The following PLXNA2 variants were observed in gnomAD, a reference collection of about 807,000 sequenced individuals.
PLXNA2 encodes plexin-A2.
PLXNA2 carries 91 observed loss-of-function variants against 193.5 expected under a neutral mutation model. The observed-to-expected ratio is 0.47, with a 90% CI of 0.40 to 0.56. The LOEUF is 0.56. Among genes scored for constraint, PLXNA2 ranks in the 20% least tolerant of loss-of-function variants. The pLI is 0.00. For missense variants in PLXNA2, 1,995 were observed against 2,503.2 expected (o/e 0.80, Z 4.33); for synonymous variants, 997 against 1,027.3 (o/e 0.97, Z 0.56).
rs1451510784 is a variant in PLXNA2, at chr1:208,044,088, T to A, written c.3874+420A>T. The stretch of plus-strand genomic sequence containing the variant: ...CAAACCCTGGGGGAGATGAGGCAGG[T>A]GCTTGTCTGCCTTTGCTGCCGCTGC... On this transcript the variant is annotated intron_variant, in intron 20 of 31. Coordinates refer to ENST00000367033, the MANE Select transcript of PLXNA2 (RefSeq NM_025179.4). The surrounding 1 kb of genome is among the most constrained non-coding windows in gnomAD (Gnocchi z 4.9). Among the ~76,000 whole-genome samples, 14 of 152,150 alleles carry A rather than the reference T, an allele frequency of 9.2e-5. No homozygotes were observed.
chr1:208,114,188 G>C (rs559619449), intron 4 of PLXNA2, among the ~76,000 whole-genome samples: 1 of 152,240 alleles, frequency 6.6e-6, no homozygotes, highest in South Asian at 2.1e-4. Context: ...TTTGCCTCTT[G>C]GTCCCCAGCA....
intron 9 of PLXNA2, 53 bp downstream of exon 9, chr1:208,092,733 G>A: frequency 7.9e-7 from 1 of 1,263,582 alleles, no homozygotes; most frequent in Middle Eastern, 1.9e-4. Context: ...AAAGAGGGAG[G>A]GGCCACTCAG....
At chr1:208,148,050 T>A (rs532224765) in intron 3 of PLXNA2, among the ~76,000 whole-genome samples, 1 of 152,228 alleles carries the variant, frequency 6.6e-6, no homozygotes, top group Non-Finnish European at 1.5e-5. Context: ...ACCCCATTAG[T>A]ACCTTTCCTT....
rs1047965402 is a variant in PLXNA2 at position 208,025,389 on chromosome 1, T to A, written c.*1854A>T. On this transcript the variant is annotated 3_prime_UTR_variant, in exon 32 of 32. Transcript: ENST00000367033. ...GGCACGGAGAAGCTGGAGCCCAGAG[T>A]TAATAACAGAGAAAATGACCCTGGT... The A allele has an allele frequency of 6.6e-6, 1 of 151,922 alleles. No individual in the cohort carries two copies. Among genetic ancestry groups the A allele is most frequent in the Admixed American group, 6.6e-5 (1 of 15,258 alleles). 9.4% of individuals were successfully genotyped at this position (151,922 alleles called of 1,614,324 possible).
intron 4 of PLXNA2, among the ~76,000 whole-genome samples, chr1:208,106,827 C>T (rs1371389424): frequency 1.3e-5 from 2 of 152,148 alleles, no homozygotes. Context: ...GACAGTGCTG[C>T]CCTAAACGGA....
At chr1:208,234,700 C>T (rs1210342542) in intron 1 of PLXNA2, among the ~76,000 whole-genome samples, 1 of 152,166 alleles carries the variant, frequency 6.6e-6, no homozygotes, top group African/African-American at 2.4e-5. Context: ...CAGGAGCTCT[C>T]GTGAGATGCC....
chr1:208,096,149 T>A (rs112938251), intron 7 of PLXNA2, 24 bp from the exon 8 acceptor site: 104 of 1,589,102 alleles, frequency 6.5e-5, no homozygotes, highest in Non-Finnish European at 8.8e-5. Flanking sequence ...CAAAAAAGGA[T>A]GGGGTTGGGT....
chr1:208,192,689 C>A (rs1670220654), intron 3 of PLXNA2, among the ~76,000 whole-genome samples: 1 of 151,868 alleles, frequency 6.6e-6, no homozygotes, highest in African/African-American at 2.4e-5. Flanking sequence ...GAGTTCGAGA[C>A]CAGCCTGGCC....
chr1:208,175,248 A>G (rs1669625191), intron 3 of PLXNA2, among the ~76,000 whole-genome samples: 1 of 152,164 alleles, frequency 6.6e-6, no homozygotes, highest in Non-Finnish European at 1.5e-5. Flanking sequence ...GGAGGGGGAG[A>G]GGGCAGGGAT....
At chr1:208,086,233 T>A (rs1331733338) in intron 9 of PLXNA2, among the ~76,000 whole-genome samples, 1 of 152,110 alleles carries the variant, frequency 6.6e-6, no homozygotes, top group Non-Finnish European at 1.5e-5. Context: ...GTGCTTGACA[T>A]GTAACGGACA....
chr1:208,087,628 A>G (rs1385781324), intron 9 of PLXNA2, among the ~76,000 whole-genome samples: 1 of 152,170 alleles, frequency 6.6e-6, no homozygotes, highest in Non-Finnish European at 1.5e-5. Context: ...CTCTAAGGCA[A>G]AGGAAAGAAG....
Position 208,031,757 on chromosome 1 carries a change from G to T in PLXNA2, c.5058C>A (p.Gly1686=). The change falls in exon 29 of 32, where the codon GGC becomes GGA. Residue 1686 remains glycine, a splice_region_variant and synonymous_variant. Transcript: ENST00000367033. The part of the protein sequence containing the change: ...IYLTRLLATK[G]TLQKFVDDLF... ...AGTCGTCCACAAACTTCTGCAGGGT[G>T]CCCTGGAGGAGGGGTGGGGGAGAGT... The T allele has an allele frequency of 6.3e-7, 1 of 1,599,568 alleles. No homozygotes were observed. The highest frequency in any genetic ancestry group is 8.5e-7 in the Non-Finnish European group (1 of 1,170,486).
In PLXNA2 at chr1:208,198,443, A is replaced by G. The variant is rs377040689; in HGVS notation, c.1371+11837T>C. Among the ~76,000 whole-genome samples the G allele has an allele frequency of 1.5e-4, 23 of 152,352 alleles. No homozygotes were observed. In the East Asian group the frequency reaches 3.7e-3, roughly 24 times the overall value. ...CCAGCAGCTTTTGGCCTTGTCAGCA[A>G]CACTCCTTTGTCTCTCCTTCAGAAA... On this transcript the variant is annotated intron_variant, in intron 3 of 31. Coordinates refer to ENST00000367033, the MANE Select transcript of PLXNA2 (RefSeq NM_025179.4).
intron 3 of PLXNA2, among the ~76,000 whole-genome samples, chr1:208,149,708 G>A (rs947037791): frequency 1.3e-5 from 2 of 152,058 alleles, no homozygotes; most frequent in African/African-American, 4.8e-5. Flanking sequence ...TTGGTGCTGC[G>A]AGAGAAGATT....
rs1664935026 is a variant in PLXNA2, at chr1:208,043,178, G to A, written c.3900C>T (p.Ile1300=). ...KEAFAELQTD[I]NELTSDLDRS... is the part of the protein sequence containing the mutation. ...GGTCCAGGTCACTGGTCAACTCATTGATATCCGTCTGGAGCTCAGCAAAAG... is the reference window on the plus strand; with the variant it reads ...GGTCCAGGTCACTGGTCAACTCATTAATATCCGTCTGGAGCTCAGCAAAAG... The change falls in exon 21 of 32, where the codon ATC becomes ATT. Residue 1300 remains isoleucine, a synonymous_variant. Transcript: ENST00000367033. 6.2e-7 allele frequency: 1 copy of A among 1,614,018 alleles called. No individual in the cohort carries two copies. The highest frequency in any genetic ancestry group is 1.1e-5 in the South Asian group (1 of 91,080).
intron 3 of PLXNA2, among the ~76,000 whole-genome samples, chr1:208,147,754 T>A (rs936020244): frequency 6.6e-6 from 1 of 152,210 alleles, no homozygotes; most frequent in Non-Finnish European, 1.5e-5. Flanking sequence ...AGGGGGCTAA[T>A]AATGGGCAAA....
intron 3 of PLXNA2, among the ~76,000 whole-genome samples, chr1:208,151,920 G>A (rs1249482228): frequency 2.0e-5 from 3 of 152,186 alleles, no homozygotes; most frequent in Non-Finnish European, 4.4e-5. Flanking sequence ...CATTTAAAAA[G>A]CACTGGGTGC....
At position 208,096,878 on chromosome 1, in the gene PLXNA2, G is replaced by T. The variant is rs1273859654; in HGVS notation, c.1737C>A (p.Ser579Arg). The T allele has an allele frequency of 5.6e-6, 9 of 1,613,042 alleles. No individual in the cohort carries two copies. Among genetic ancestry groups the T allele is most frequent in the Non-Finnish European group, 5.9e-6 (7 of 1,179,816 alleles). Residue 579 changes from serine to arginine, a missense_variant, in exon 7 of 32, where the codon AGC (serine) becomes AGA (arginine). Around this residue, in one of 3 missense-constraint regions of PLXNA2, gnomAD observed 702 missense variants for 812.9 expected, o/e 0.86. Transcript: ENST00000367033. The part of the protein sequence containing the change: ...ISVSEHSRLL[S>R]LVVSDAPDLS... ...GATCAGGAGCATCACTCACTACCAGGCTAAGCTGTGGGAGGAGCAAAGAGA... is the reference window on the plus strand; with the variant it reads ...GATCAGGAGCATCACTCACTACCAGTCTAAGCTGTGGGAGGAGCAAAGAGA...
chr1:208,032,054 T>G, intron 28 of PLXNA2: 2 of 985,162 alleles, frequency 2.0e-6, no homozygotes, highest in Non-Finnish European at 2.4e-6. Context: ...GTGCCCCGGG[T>G]CCGGGCTTCC....
Sources: gnomAD v4.1 joint callset for allele counts (sites outside exome capture counted in the v4.1 genomes callset) on GRCh38, gnomAD v4.1.1 for gene constraint, gnomAD v4.1.1 regional missense constraint, Gnocchi (gnomAD v3.1) non-coding constraint, MANE v1.5 for transcripts, NCBI Gene and HGNC (gene_info 2026-07-23, HGNC 2026-07-21) for gene names.